TRABD2B: variants seen among roughly 807,000 people sequenced by gnomAD.
The protein encoded by TRABD2B is TraB domain containing 2B.
TRABD2B carries 14 observed loss-of-function variants against 40.1 expected under a neutral mutation model. The observed-to-expected ratio is 0.35, with a 90% confidence interval of 0.23 to 0.55. TRABD2B has a LOEUF of 0.55. TRABD2B is among the 20% of genes least tolerant of loss of function. TRABD2B has a pLI of 0.90. For missense variants in TRABD2B, 541 were observed against 648.6 expected (o/e 0.83, Z 1.80); for synonymous variants, 263 against 277.0 (o/e 0.95, Z 0.50).
chr1:47,800,436 G>A (rs928905680), intron 3 of TRABD2B, among the ~76,000 whole-genome samples: 2 of 152,176 alleles, frequency 1.3e-5, no homozygotes, highest in African/African-American at 4.8e-5. Flanking sequence ...GGCAGAAGCT[G>A]GTGAGTTGGG....
intron 2 of TRABD2B, among the ~76,000 whole-genome samples, chr1:47,867,984 A>G (rs188729937): frequency 6.6e-6 from 1 of 152,310 alleles, no homozygotes; most frequent in East Asian, 1.9e-4. Flanking sequence ...GAGGGCAGGA[A>G]GAGGAGATCC....
intron 2 of TRABD2B, among the ~76,000 whole-genome samples, chr1:47,979,100 A>G (rs1382523421): frequency 6.6e-6 from 1 of 152,142 alleles, no homozygotes; most frequent in Non-Finnish European, 1.5e-5. Context: ...TCCCAAAGCC[A>G]AAGCACCCAA....
chr1:47,935,630 G>A (rs1351651170), intron 2 of TRABD2B, among the ~76,000 whole-genome samples: 2 of 152,224 alleles, frequency 1.3e-5, no homozygotes, highest in Non-Finnish European at 2.9e-5. Context: ...CAACAAGCAA[G>A]TAAGATAGGA....
chr1:47,873,221 A>C (rs1644170009), intron 2 of TRABD2B, among the ~76,000 whole-genome samples: 1 of 152,210 alleles, frequency 6.6e-6, no homozygotes, highest in Non-Finnish European at 1.5e-5. Flanking sequence ...CTTGAAGGTC[A>C]AGATTTCAAC....
At chr1:47,818,778 CA>C (rs1227405559) in intron 2 of TRABD2B, 1 of 152,200 alleles carries the variant, frequency 6.6e-6, no homozygotes, top group Non-Finnish European at 1.5e-5. Flanking sequence ...GGTGGAATGA[CA>C]GCAGTTTGAA....
At chr1:47,939,134 C>T (rs1024813783) in intron 2 of TRABD2B, among the ~76,000 whole-genome samples, 1 of 150,770 alleles carries the variant, frequency 6.6e-6, no homozygotes, top group Non-Finnish European at 1.5e-5. Context: ...CTAATGCCAA[C>T]CCCCCCACCC....
chr1:47,986,794 G>A (rs1645924935), intron 2 of TRABD2B, among the ~76,000 whole-genome samples: 1 of 152,156 alleles, frequency 6.6e-6, no homozygotes, highest in South Asian at 2.1e-4. Context: ...GTGTTCCAGC[G>A]GATATAGTGC....
At chr1:47,784,268 G>GC (rs1320835734) in intron 4 of TRABD2B, among the ~76,000 whole-genome samples, 1 of 152,208 alleles carries the variant, frequency 6.6e-6, no homozygotes, top group Non-Finnish European at 1.5e-5. Flanking sequence ...ATTGGCAGCT[G>GC]CAAGGGATCC....
chr1:47,988,473 G>C (rs1645952857), intron 2 of TRABD2B, among the ~76,000 whole-genome samples: 1 of 152,166 alleles, frequency 6.6e-6, no homozygotes, highest in African/African-American at 2.4e-5. Context: ...AGCAACAGAG[G>C]GAGAAGAGTC....
intron 2 of TRABD2B, among the ~76,000 whole-genome samples, chr1:47,802,853 T>C (rs911648404): frequency 6.6e-6 from 1 of 152,102 alleles, no homozygotes; most frequent in African/African-American, 2.4e-5. Context: ...CTCTCTCTCT[T>C]TTGCTCAAAA....
intron 2 of TRABD2B, among the ~76,000 whole-genome samples, chr1:47,870,606 A>C (rs1644127017): frequency 6.6e-6 from 1 of 152,222 alleles, no homozygotes; most frequent in Admixed American, 6.5e-5. Flanking sequence ...GGAAACATGC[A>C]TTGCCCACAT....
chr1:47,885,130 C>T (rs1385452840), intron 2 of TRABD2B, among the ~76,000 whole-genome samples: 7 of 152,204 alleles, frequency 4.6e-5, no homozygotes, highest in Non-Finnish European at 1.0e-4. Flanking sequence ...ACTCTAACCC[C>T]TATTAACCAA....
chr1:47,975,292 T>C (rs1645740076), intron 2 of TRABD2B, among the ~76,000 whole-genome samples: 1 of 152,234 alleles, frequency 6.6e-6, no homozygotes, highest in South Asian at 2.1e-4. Context: ...AAAACTGTTC[T>C]AAAATTAAAA....
At chr1:47,885,632 G>A (rs1352987533) in intron 2 of TRABD2B, among the ~76,000 whole-genome samples, 1 of 152,172 alleles carries the variant, frequency 6.6e-6, no homozygotes, top group African/African-American at 2.4e-5. Flanking sequence ...GCGGGAGGCA[G>A]GGAGTTCATG....
chr1:47,775,772 A>G (rs1309989979), intron 5 of TRABD2B, among the ~76,000 whole-genome samples: 1 of 152,178 alleles, frequency 6.6e-6, no homozygotes, highest in Non-Finnish European at 1.5e-5. Context: ...CAGAGAGTAA[A>G]ACAGAGGATG....
intron 2 of TRABD2B, among the ~76,000 whole-genome samples, chr1:47,979,963 A>G (rs1645817297): frequency 6.6e-6 from 1 of 152,172 alleles, no homozygotes; most frequent in Admixed American, 6.5e-5. Flanking sequence ...CAACAAAGGA[A>G]TGAGTGGGTG....
In TRABD2B at chr1:47,970,739, G is replaced by A. The variant is rs535451976; in HGVS notation, c.666+23295C>T. Reference sequence around the variant, plus strand: ...TGGGGGTGACTCTTCATTGTGGGTTGGACTCAGGTCTGCTGTGTGCATTCT... The same window carrying A: ...TGGGGGTGACTCTTCATTGTGGGTTAGACTCAGGTCTGCTGTGTGCATTCT... On this transcript the variant is annotated intron_variant, in intron 2 of 6. Transcript: ENST00000606738. Among the ~76,000 whole-genome samples, 318 of 152,244 alleles carry A rather than the reference G, an allele frequency of 2.1e-3. 3 individuals are homozygous for A. Among genetic ancestry groups the A allele is most frequent in the African/African-American group, 7.5e-3 (310 of 41,546 alleles).
In TRABD2B at chr1:47,846,857, T is replaced by TACACACACACACACAC. The variant is rs67359073; in HGVS notation, c.667-45254_667-45239dup. 6.0e-3 allele frequency among the ~76,000 whole-genome samples: 636 copies of TACACACACACACACAC among 106,470 alleles called. 4 individuals carry two copies. The highest frequency in any genetic ancestry group is 0.018 in the East Asian group (50 of 2,808). 69.8% of individuals were successfully genotyped at this position (106,470 alleles called of 152,430 possible). A position where few individuals can be genotyped will look rare whatever the true frequency, so the allele number is the denominator to read the frequency against. ...AGGCCAGGTTAAGTTAAAACATGCATACACACACACACACACACACACACA... is the reference window on the plus strand; with the variant it reads ...AGGCCAGGTTAAGTTAAAACATGCATACACACACACACACACACACACACACACACACACACACACA... On this transcript the variant is annotated intron_variant, in intron 2 of 6. Transcript: ENST00000606738.
intron 6 of TRABD2B, among the ~76,000 whole-genome samples, chr1:47,771,193 T>C (rs917422279): frequency 1.3e-5 from 2 of 152,122 alleles, no homozygotes; most frequent in African/African-American, 4.8e-5. Context: ...GAACTGGAGC[T>C]GGAGAATCTG....
Sources: allele counts gnomAD v4.1 joint callset (sites outside exome capture counted in the v4.1 genomes callset), GRCh38; gene constraint gnomAD v4.1.1; transcripts MANE v1.5; gene names NCBI Gene and HGNC (gene_info 2026-07-23, HGNC 2026-07-21).